COL23A1: variants seen among roughly 807,000 people sequenced by gnomAD.
COL23A1 encodes collagen type XXIII alpha 1 chain.
COL23A1 carries 97 observed loss-of-function variants against 99.3 expected under a neutral mutation model. That is an observed-to-expected ratio of 0.98 (90% CI 0.83 to 1.16). COL23A1 has a LOEUF of 1.16. COL23A1 is among the 50% of genes most tolerant of loss of function. The pLI is 0.00. For synonymous variants in COL23A1, 320 were observed against 308.2 expected, an observed-to-expected ratio of 1.04 and a Z score of -0.40; for missense variants, 762 against 757.4, an observed-to-expected ratio of 1.01 and a Z score of -0.07.
rs924359476 is a variant in COL23A1 at position 178,365,030 on chromosome 5, A to G, written c.362-58111T>C. ...AATGGGCTCTTCCTGTCAGGCGAATAAACAGATGCACAAGCAGATACAGCA... is the reference window on the plus strand; with the variant it reads ...AATGGGCTCTTCCTGTCAGGCGAATGAACAGATGCACAAGCAGATACAGCA... On this transcript the variant is annotated intron_variant, in intron 2 of 28. Coordinates refer to ENST00000390654, the MANE Select transcript of COL23A1 (RefSeq NM_173465.4). This position sits in a 1 kb window ranked among gnomAD's most constrained non-coding sequence, Gnocchi z 5.2. 2.6e-5 allele frequency among the ~76,000 whole-genome samples: 4 copies of G among 152,192 alleles called. No homozygotes were observed. Among genetic ancestry groups the G allele is most frequent in the Admixed American group, 6.5e-5 (1 of 15,272 alleles).
intron 2 of COL23A1, among the ~76,000 whole-genome samples, chr5:178,330,602 C>T (rs1194746504): frequency 2.0e-5 from 3 of 151,620 alleles, no homozygotes; most frequent in Non-Finnish European, 2.9e-5. Flanking sequence ...TGCAGTGAGC[C>T]GAGATTGCAC....
intron 2 of COL23A1, among the ~76,000 whole-genome samples, chr5:178,322,901 GC>G (rs1759408681): frequency 6.6e-6 from 1 of 152,208 alleles, no homozygotes; most frequent in South Asian, 2.1e-4. Flanking sequence ...GGTGGGCTGT[GC>G]CCCCAGTGGG....
At chr5:178,452,298 C>T (rs1767533799) in intron 2 of COL23A1, among the ~76,000 whole-genome samples, 1 of 152,074 alleles carries the variant, frequency 6.6e-6, no homozygotes, top group Non-Finnish European at 1.5e-5. Context: ...AACTGAGAAG[C>T]CACCTGAAAC....
chr5:178,242,850 GCTTAACATCCAC>G (rs1478575416), intron 25 of COL23A1, among the ~76,000 whole-genome samples: 1 of 152,194 alleles, frequency 6.6e-6, no homozygotes, highest in African/African-American at 2.4e-5. Flanking sequence ...AACCAAGGTG[GCTTAACATCCAC>G]TAGGAACCGG....
chr5:178,345,261 T>A (rs1001334338), intron 2 of COL23A1: 1 of 726,982 alleles, frequency 1.4e-6, no homozygotes, highest in Non-Finnish European at 2.4e-6. Context: ...AGACCTAAAT[T>A]TGATGAACTC....
At chr5:178,248,987 G>T in intron 19 of COL23A1, 130 bp downstream of exon 19, 2 of 843,720 alleles carry the variant, frequency 2.4e-6, no homozygotes, top group Non-Finnish European at 2.0e-6. Flanking sequence ...AGTGTCCCCG[G>T]CCGGCTGGGC....
chr5:178,396,768 G>A (rs1169051086), intron 2 of COL23A1, among the ~76,000 whole-genome samples: 3 of 90,074 alleles, frequency 3.3e-5, no homozygotes, highest in East Asian at 3.3e-4. Flanking sequence ...TCTCCCCGGC[G>A]GGCAGGCGCT....
intron 2 of COL23A1, among the ~76,000 whole-genome samples, chr5:178,362,331 T>C (rs1164965466): frequency 6.6e-6 from 1 of 152,082 alleles, no homozygotes; most frequent in Non-Finnish European, 1.5e-5. Context: ...GGTGGGGGCA[T>C]GTCCCACTGA....
chr5:178,419,146 G>A (rs912240052), intron 2 of COL23A1, among the ~76,000 whole-genome samples: 10 of 152,320 alleles, frequency 6.6e-5, no homozygotes, highest in Middle Eastern at 3.4e-3. Context: ...GGTGTCTAAC[G>A]TGGCTGTGGC....
intron 2 of COL23A1, among the ~76,000 whole-genome samples, chr5:178,358,494 TATGC>T (rs1561898076): frequency 4.2e-5 from 5 of 119,048 alleles, no homozygotes; most frequent in African/African-American, 1.1e-4. Context: ...TATGTGTGTG[TATGC>T]GTGTATATGT....
intron 2 of COL23A1, among the ~76,000 whole-genome samples, chr5:178,488,533 TC>T (rs1757754319): frequency 6.6e-6 from 1 of 152,166 alleles, no homozygotes; most frequent in Non-Finnish European, 1.5e-5. Flanking sequence ...TTCAATGTTT[TC>T]CTTAAAATGC....
chr5:178,357,784 A>ATG (rs200493328), intron 2 of COL23A1, among the ~76,000 whole-genome samples: 14,661 of 139,872 alleles, frequency 0.1, 879 homozygotes, highest in Middle Eastern at 0.26. Flanking sequence ...GTGTATGTGT[A>ATG]TGTGTGTGTG....
chr5:178,557,848 T>A (rs1233671800), intron 2 of COL23A1, among the ~76,000 whole-genome samples: 2 of 152,006 alleles, frequency 1.3e-5, no homozygotes, highest in Non-Finnish European at 2.9e-5. Context: ...CTGCTGGGGT[T>A]TAGTGTTGAT....
At chr5:178,299,736 T>C (rs558250774) in intron 3 of COL23A1, among the ~76,000 whole-genome samples, 25 of 151,920 alleles carry the variant, frequency 1.6e-4, no homozygotes, top group Non-Finnish European at 2.9e-4. Flanking sequence ...TATTTTTTAA[T>C]TTTTATTTCA....
chr5:178,364,329 T>C (rs902460789), intron 2 of COL23A1, among the ~76,000 whole-genome samples: 2 of 152,070 alleles, frequency 1.3e-5, no homozygotes, highest in Non-Finnish European at 2.9e-5. Flanking sequence ...TGATATCTGC[T>C]TGCCTCATTT....
chr5:178,346,831 T>C (rs72820960), intron 2 of COL23A1, among the ~76,000 whole-genome samples: 17,924 of 152,280 alleles, frequency 0.12, 1,146 homozygotes, highest in Middle Eastern at 0.2. Flanking sequence ...TCGGAGCCTC[T>C]GAAGGCTGCA....
chr5:178,365,170 T>TGTGTGTGTGTGA lies in COL23A1; in HGVS notation c.362-58252_362-58251insTCACACACACAC, dbSNP rs1334135320. 3.7e-4 allele frequency among the ~76,000 whole-genome samples: 53 copies of TGTGTGTGTGTGA among 141,762 alleles called. No individual in the cohort carries two copies. The highest frequency in any genetic ancestry group is 3.1e-3 in the South Asian group (14 of 4,516). 93.0% of individuals were successfully genotyped at this position (141,762 alleles called of 152,430 possible). On this transcript the variant is annotated intron_variant, in intron 2 of 28. Transcript: ENST00000390654. The surrounding 1 kb of genome is among the most constrained non-coding windows in gnomAD (Gnocchi z 5.2). ...GTGTGTGTGTGTGTGTGTGTGTGTG[T>TGTGTGTGTGTGA]GATAAATAAGCAAAATTGTTTTCCT...
chr5:178,493,706 C>A (rs2127974384), intron 2 of COL23A1, among the ~76,000 whole-genome samples: 1 of 152,324 alleles, frequency 6.6e-6, no homozygotes, highest in African/African-American at 2.4e-5. Flanking sequence ...CAGAGGTGGC[C>A]AGCAGACCTG....
At chr5:178,444,976 G>A (rs1045909833) in intron 2 of COL23A1, among the ~76,000 whole-genome samples, 3 of 152,122 alleles carry the variant, frequency 2.0e-5, no homozygotes, top group South Asian at 4.1e-4. Flanking sequence ...GGTACATCAC[G>A]TGTGTTCAAT....
Sources: gnomAD v4.1 joint callset for allele counts (sites outside exome capture counted in the v4.1 genomes callset) on GRCh38, gnomAD v4.1.1 for gene constraint, Gnocchi (gnomAD v3.1) non-coding constraint, MANE v1.5 for transcripts, NCBI Gene and HGNC (gene_info 2026-07-23, HGNC 2026-07-21) for gene names.